The following GALNT2 variants were observed in gnomAD, a reference collection of about 807,000 sequenced individuals.
GALNT2 encodes the protein UDP-GalNAc:polypeptide N-acetylgalactosaminyltransferase 2.
In GALNT2, 31 loss-of-function variants were observed where a neutral mutation model predicts 81.4. The observed-to-expected ratio is 0.38, with a 90% CI of 0.29 to 0.51. The LOEUF is 0.51. Ranked by LOEUF, GALNT2 falls within the 20% of genes least tolerant of loss-of-function variation. GALNT2 has a pLI of 0.87. For synonymous variants in GALNT2, 303 were observed against 287.4 expected, an observed-to-expected ratio of 1.05 and a Z score of -0.55; for missense variants, 629 against 765.7, an observed-to-expected ratio of 0.82 and a Z score of 2.11.
chr1:230,167,619 T>G (rs1245528407), intron 1 of GALNT2, among the ~76,000 whole-genome samples: 1 of 151,996 alleles, frequency 6.6e-6, no homozygotes, highest in East Asian at 1.9e-4. Context: ...TGGGCTGAGG[T>G]GAAGTGGGGA....
In GALNT2 at chr1:230,281,702, G is replaced by A. The variant is rs1309559375; in HGVS notation, c.*2244G>A. ...GTCCCTGAGCTGGGAGGCGGCTTTG[G>A]ATGGTCCGGGCGTCAAGAGCAGGGG... is the stretch of plus-strand genomic sequence containing the variant. On this transcript the variant is annotated 3_prime_UTR_variant, in exon 16 of 16. Coordinates refer to ENST00000366672, the MANE Select transcript of GALNT2 (RefSeq NM_004481.5). 6.6e-6 allele frequency: 1 copy of A among 152,560 alleles called. No homozygotes were observed. The highest frequency in any genetic ancestry group is 1.5e-5 in the Non-Finnish European group (1 of 68,144). 9.5% of individuals were successfully genotyped at this position (152,560 alleles called of 1,614,324 possible). A position where few individuals can be genotyped will look rare whatever the true frequency, so the allele number is the denominator to read the frequency against.
chr1:230,200,198 G>A (rs1276255421), intron 2 of GALNT2, among the ~76,000 whole-genome samples: 2 of 151,836 alleles, frequency 1.3e-5, no homozygotes, highest in Non-Finnish European at 2.9e-5. Context: ...GAGTAGCTGG[G>A]ATTACAGGCG....
intron 3 of GALNT2, among the ~76,000 whole-genome samples, chr1:230,220,953 A>C (rs1223421532): frequency 1.3e-5 from 2 of 152,196 alleles, no homozygotes; most frequent in Admixed American, 1.3e-4. Context: ...CTTTCTTTAA[A>C]TACACCGAAT....
chr1:230,107,638 G>A (rs935378035), intron 1 of GALNT2, among the ~76,000 whole-genome samples: 3 of 151,368 alleles, frequency 2.0e-5, no homozygotes, highest in Non-Finnish European at 4.4e-5. Flanking sequence ...GTGTGTGTGT[G>A]TGTGTGGTTG....
chr1:230,222,172 G>A (rs1360929852), intron 3 of GALNT2, among the ~76,000 whole-genome samples: 2 of 151,676 alleles, frequency 1.3e-5, no homozygotes, highest in Non-Finnish European at 2.9e-5. Flanking sequence ...GACTACAGGC[G>A]TCCACCACCA....
chr1:230,180,199 G>T (rs1375201282), intron 2 of GALNT2, among the ~76,000 whole-genome samples: 1 of 152,086 alleles, frequency 6.6e-6, no homozygotes, highest in Non-Finnish European at 1.5e-5. Context: ...AATTACAGCG[G>T]GAGCCACCAC....
In GALNT2 at chr1:230,070,144, C is replaced by T. The variant is rs529069421; in HGVS notation, c.126+2738C>T. 2.6e-5 allele frequency among the ~76,000 whole-genome samples: 4 copies of T among 152,286 alleles called. No individual in the cohort carries two copies. Among genetic ancestry groups the T allele is most frequent in the South Asian group, 4.1e-4 (2 of 4,832 alleles). ...TGAAGACCAATCTCAGGCACTGCCGCACAACTCGGGACTCAACACCCAGGC... is the reference window on the plus strand; with the variant it reads ...TGAAGACCAATCTCAGGCACTGCCGTACAACTCGGGACTCAACACCCAGGC... On this transcript the variant is annotated intron_variant, in intron 1 of 15. Transcript: ENST00000366672. This position sits in a 1 kb window ranked among gnomAD's most constrained non-coding sequence, Gnocchi z 4.7.
chr1:230,266,187 T>C (rs1045320789), intron 14 of GALNT2, among the ~76,000 whole-genome samples: 4 of 130,120 alleles, frequency 3.1e-5, no homozygotes, highest in African/African-American at 1.4e-4. Flanking sequence ...AGAGCAAAGC[T>C]CTGTCTCAAA....
chr1:230,149,511 A>G (rs1662028590), intron 1 of GALNT2, among the ~76,000 whole-genome samples: 1 of 152,060 alleles, frequency 6.6e-6, no homozygotes, highest in Admixed American at 6.5e-5. Context: ...CCTTCTCTGT[A>G]GTAGTGATTC....
Position 230,079,603 on chromosome 1 carries a change from C to T in GALNT2, c.126+12197C>T, listed in dbSNP as rs757172432. ...AAATAGCAGGTTTCCCTCTTGCTGA[C>T]GCAGAGCTGCAGCTTCAGGCTTGGA... On this transcript the variant is annotated intron_variant, in intron 1 of 15. Transcript: ENST00000366672. Among the ~76,000 whole-genome samples, 11 of 152,256 alleles carry T rather than the reference C, an allele frequency of 7.2e-5. No individual in the cohort carries two copies. The South Asian group carries it at 1.2e-3, about 17-fold the overall frequency.
chr1:230,154,209 G>A lies in GALNT2; in HGVS notation c.127-24009G>A, dbSNP rs555352359. ...CAGTCTTGTCAGAAGTCAAGCTGCCGTCCACCCTGCACTTGCAGTGGAGAC... is the reference window on the plus strand; with the variant it reads ...CAGTCTTGTCAGAAGTCAAGCTGCCATCCACCCTGCACTTGCAGTGGAGAC... On this transcript the variant is annotated intron_variant, in intron 1 of 15. Transcript: ENST00000366672. Among the ~76,000 whole-genome samples, 36 of 152,312 alleles carry A rather than the reference G, an allele frequency of 2.4e-4. No homozygotes were observed. In the South Asian group the frequency reaches 4.4e-3, roughly 18 times the overall value.
At chr1:230,269,135 A>ATTT (rs900878263) in intron 14 of GALNT2, among the ~76,000 whole-genome samples, 4 of 125,982 alleles carry the variant, frequency 3.2e-5, no homozygotes, top group South Asian at 2.5e-4. Flanking sequence ...GCTCAGAGAA[A>ATTT]TTTTTTTTTT....
In GALNT2 at chr1:230,070,106, C is replaced by G. The variant is rs568350192; in HGVS notation, c.126+2700C>G. ...CAGATTGCAGGTTTAGTAAACTAAG[C>G]AGGAGGGAGTGCTGAAGACCAATCT... On this transcript the variant is annotated intron_variant, in intron 1 of 15. Transcript: ENST00000366672. The surrounding 1 kb of genome is among the most constrained non-coding windows in gnomAD (Gnocchi z 4.7). Among the ~76,000 whole-genome samples, 166 of 152,320 alleles carry G rather than the reference C, an allele frequency of 1.1e-3. 1 individual carries two copies. The highest frequency in any genetic ancestry group is 1.8e-3 in the Non-Finnish European group (125 of 68,030).
chr1:230,217,480 G>C (rs921756563), intron 3 of GALNT2, among the ~76,000 whole-genome samples: 1 of 152,226 alleles, frequency 6.6e-6, no homozygotes, highest in African/African-American at 2.4e-5. Context: ...TGAGGTCTGA[G>C]AGGAGTCAAG....
chr1:230,190,628 C>T (rs75123418), intron 2 of GALNT2, among the ~76,000 whole-genome samples: 2,359 of 152,252 alleles, frequency 0.015, 66 homozygotes, highest in African/African-American at 0.054. Flanking sequence ...ACTCCCTGAT[C>T]GGGGGCCACC....
intron 3 of GALNT2, among the ~76,000 whole-genome samples, chr1:230,225,766 T>G (rs1302207435): frequency 6.6e-6 from 1 of 151,956 alleles, no homozygotes; most frequent in Non-Finnish European, 1.5e-5. Flanking sequence ...AGTCTAATTA[T>G]GGCTCCACAT....
At chr1:230,141,847 C>T (rs548288747) in intron 1 of GALNT2, among the ~76,000 whole-genome samples, 26 of 130,468 alleles carry the variant, frequency 2.0e-4, no homozygotes, top group African/African-American at 6.2e-4. Context: ...GGCTGAAGTG[C>T]GTGCCACAAT....
intron 1 of GALNT2, among the ~76,000 whole-genome samples, chr1:230,124,858 G>A: frequency 7.5e-6 from 1 of 132,808 alleles, no homozygotes; most frequent in Non-Finnish European, 1.7e-5. Flanking sequence ...TTCTCTCTGA[G>A]AACCCAGCTA....
rs1666383521 is a variant in GALNT2, at chr1:230,279,660, C to CCT, written c.*206_*207dup. 2 of 646,566 alleles carry CCT rather than the reference C, an allele frequency of 3.1e-6. No individual in the cohort carries two copies. Among genetic ancestry groups the CCT allele is most frequent in the East Asian group, 5.8e-5 (2 of 34,226 alleles). 40.1% of individuals were successfully genotyped at this position (646,566 alleles called of 1,614,324 possible). On this transcript the variant is annotated 3_prime_UTR_variant, in exon 16 of 16. Coordinates refer to ENST00000366672, the MANE Select transcript of GALNT2 (RefSeq NM_004481.5). The surrounding 1 kb of genome is among the most constrained non-coding windows in gnomAD (Gnocchi z 4.6). ...AAGAAGCGAGAACTGCCCTCCCCCT[C>CCT]CTCTCGGTGCAGCCCAGCCGGGCCC...
Sources: allele counts gnomAD v4.1 joint callset (sites outside exome capture counted in the v4.1 genomes callset), GRCh38; gene constraint gnomAD v4.1.1; non-coding constraint Gnocchi (gnomAD v3.1); transcripts MANE v1.5; gene names NCBI Gene and HGNC (gene_info 2026-07-23, HGNC 2026-07-21).